The following PPP2R2C variants were observed in gnomAD, a reference collection of about 807,000 sequenced individuals.
PPP2R2C encodes the protein protein phosphatase 2, regulatory subunit B, gamma.
Under a neutral mutation model 45.3 loss-of-function variants are expected in PPP2R2C, and 10 were observed. The ratio of observed to expected loss-of-function variants is 0.22; its 90% confidence interval spans 0.14 to 0.37. PPP2R2C has a LOEUF of 0.37. Ranked by LOEUF, PPP2R2C falls within the 10% of genes least tolerant of loss-of-function variation. PPP2R2C has a pLI of 1.00. For missense variants in PPP2R2C, 308 were observed against 619.7 expected (o/e 0.50, Z 5.34); for synonymous variants, 257 against 245.4 (o/e 1.05, Z -0.44).
intron 6 of PPP2R2C, among the ~76,000 whole-genome samples, chr4:6,342,758 G>A (rs548503052): frequency 3.3e-5 from 5 of 152,322 alleles, no homozygotes; most frequent in African/African-American, 9.6e-5. Flanking sequence ...GTCACAAGAC[G>A]CGGATTTCCA....
intron 2 of PPP2R2C, among the ~76,000 whole-genome samples, chr4:6,512,554 A>ATGGTGATGGTGGTGATGGTGG (rs1723682080): frequency 8.8e-5 from 3 of 33,984 alleles, no homozygotes; most frequent in African/African-American, 3.7e-4. Flanking sequence ...GATGGTGGTG[A>ATGGTGATGGTGGTGATGGTGG]TGGTGGTGGT....
chr4:6,381,894 C>T (rs1236480036), intron 1 of PPP2R2C: 1 of 1,599,568 alleles, frequency 6.3e-7, no homozygotes, highest in Admixed American at 1.7e-5. Flanking sequence ...ACACCCCTTC[C>T]ATCACCAACA....
intron 2 of PPP2R2C, among the ~76,000 whole-genome samples, chr4:6,524,087 A>T (rs1206786199): frequency 6.7e-6 from 1 of 148,604 alleles, no homozygotes; most frequent in African/African-American, 2.5e-5. Context: ...CTAATTTTGT[A>T]TTTTTTTTTT....
intron 1 of PPP2R2C, among the ~76,000 whole-genome samples, chr4:6,387,115 A>C (rs1018222185): frequency 6.6e-6 from 1 of 152,180 alleles, no homozygotes; most frequent in African/African-American, 2.4e-5. Context: ...TGCATATCAA[A>C]AGGTTCAACA....
intron 2 of PPP2R2C, among the ~76,000 whole-genome samples, chr4:6,496,880 A>AATAAATAAATAAATAC (rs1334540346): frequency 6.6e-6 from 1 of 151,368 alleles, no homozygotes; most frequent in Admixed American, 6.6e-5. Context: ...TAAATAAATA[A>AATAAATAAATAAATAC]ATAAATAAAT....
At chr4:6,375,728 C>T in intron 4 of PPP2R2C, 91 bp downstream of exon 4, 2 of 1,151,896 alleles carry the variant, frequency 1.7e-6, no homozygotes, top group South Asian at 1.4e-5. Context: ...CTGCACCTGA[C>T]TCTGGCTCAA....
Position 6,511,398 on chromosome 4 carries a change from G to T in PPP2R2C, c.49+23873C>A, listed in dbSNP as rs1723463146. On this transcript the variant is annotated intron_variant, in intron 2 of 9. Coordinates refer to the PPP2R2C transcript ENST00000506140. ...CGGTGATGGTGGTGATGGTGATGGT[G>T]GTGATGGTGGTGGTGACAGTGATGG... 2.0e-5 allele frequency among the ~76,000 whole-genome samples: 3 copies of T among 150,814 alleles called. No homozygotes were observed. The South Asian group carries it at 6.4e-4, about 32-fold the overall frequency.
At chr4:6,348,993 T>C in intron 5 of PPP2R2C, 2 of 984,706 alleles carry the variant, frequency 2.0e-6, no homozygotes, top group Non-Finnish European at 2.4e-6. Flanking sequence ...TTGGTAAGGC[T>C]GGATTCAGCC....
chr4:6,348,120 G>C (rs1712176535), intron 5 of PPP2R2C, 110 bp from the exon 6 acceptor site: 2 of 1,278,730 alleles, frequency 1.6e-6, no homozygotes, highest in Non-Finnish European at 2.2e-6. Context: ...CCTCGCGTCT[G>C]AGCTGCCTCT....
At chr4:6,493,747 A>G (rs1195779801) in intron 2 of PPP2R2C, among the ~76,000 whole-genome samples, 2 of 151,986 alleles carry the variant, frequency 1.3e-5, no homozygotes, top group African/African-American at 2.4e-5. Flanking sequence ...ATTGCTCCCA[A>G]CAGTTCCCTG....
At chr4:6,357,246 G>C (rs1404286025) in intron 5 of PPP2R2C, among the ~76,000 whole-genome samples, 2 of 152,278 alleles carry the variant, frequency 1.3e-5, no homozygotes, top group African/African-American at 2.4e-5. Flanking sequence ...ACAGCGAGGT[G>C]CTGGGCAAGG....
chr4:6,341,264 A>C (rs1733419878), intron 6 of PPP2R2C, among the ~76,000 whole-genome samples: 1 of 149,344 alleles, frequency 6.7e-6, no homozygotes, highest in Admixed American at 6.8e-5. Context: ...GCTTGAACCC[A>C]GGAGGTGGAG....
At chr4:6,534,675 A>AC (rs991544536) in intron 2 of PPP2R2C, among the ~76,000 whole-genome samples, 1 of 151,190 alleles carries the variant, frequency 6.6e-6, no homozygotes, top group Non-Finnish European at 1.5e-5. Context: ...ACCAACACAC[A>AC]CCCCCCAACA....
chr4:6,446,974 C>A (rs908343787), intron 1 of PPP2R2C, among the ~76,000 whole-genome samples: 1 of 151,946 alleles, frequency 6.6e-6, no homozygotes, highest in African/African-American at 2.4e-5. Flanking sequence ...ATTCAGACCA[C>A]GGTGCGGGGC....
intron 5 of PPP2R2C, among the ~76,000 whole-genome samples, chr4:6,369,562 T>C (rs1186995489): frequency 2.0e-5 from 3 of 152,200 alleles, no homozygotes; most frequent in Non-Finnish European, 4.4e-5. Flanking sequence ...GTGGGGGGTT[T>C]TGTGAATGAC....
intron 2 of PPP2R2C, among the ~76,000 whole-genome samples, chr4:6,495,430 G>A (rs761826352): frequency 2.0e-5 from 3 of 152,242 alleles, no homozygotes; most frequent in Admixed American, 6.5e-5. Flanking sequence ...CTGGCATGCA[G>A]AGGGGCTCGC....
At chr4:6,496,223 A>G (rs1352536629) in intron 2 of PPP2R2C, among the ~76,000 whole-genome samples, 1 of 152,154 alleles carries the variant, frequency 6.6e-6, no homozygotes, top group Non-Finnish European at 1.5e-5. Flanking sequence ...GATCTTGGAC[A>G]TATTTTGCGG....
chr4:6,384,407 G>C, intron 1 of PPP2R2C: 1 of 985,004 alleles, frequency 1.0e-6, no homozygotes, highest in Non-Finnish European at 1.2e-6. Flanking sequence ...GTAGCTTTAG[G>C]GTAGCTGGAA....
intron 4 of PPP2R2C, among the ~76,000 whole-genome samples, chr4:6,374,921 G>T (rs1356771936): frequency 6.6e-6 from 1 of 152,136 alleles, no homozygotes; most frequent in Admixed American, 6.5e-5. Context: ...GCAGGATGAG[G>T]ACAGACCAGG....
Sources: gnomAD v4.1 joint callset for allele counts (sites outside exome capture counted in the v4.1 genomes callset) on GRCh38, gnomAD v4.1.1 for gene constraint, MANE v1.5 for transcripts, NCBI Gene and HGNC (gene_info 2026-07-23, HGNC 2026-07-21) for gene names.